OTUD7B: variants seen among roughly 807,000 people sequenced by gnomAD.
The protein encoded by OTUD7B is OTU deubiquitinase 7B.
A neutral mutation model predicts 82.2 loss-of-function variants in OTUD7B; 34 were observed. That is an observed-to-expected ratio of 0.41 (90% CI 0.31 to 0.55). OTUD7B has a LOEUF of 0.55. Among genes scored for constraint, OTUD7B ranks in the 20% least tolerant of loss-of-function variants. The pLI is 0.20. For missense variants in OTUD7B, 944 were observed against 1,062.1 expected (o/e 0.89, Z 1.55); for synonymous variants, 398 against 402.7 (o/e 0.99, Z 0.14).
At chr1:149,994,913 G>T (rs1651828047) in intron 1 of OTUD7B, among the ~76,000 whole-genome samples, 1 of 152,148 alleles carries the variant, frequency 6.6e-6, no homozygotes, top group African/African-American at 2.4e-5. Flanking sequence ...CCCCTTAAAT[G>T]CTAGGTCTAA....
At position 149,945,077 on chromosome 1, in the gene OTUD7B, A is replaced by G. The variant is rs1553771823; in HGVS notation, c.1324-12T>C. Reference sequence around the variant, plus strand: ...TGGGCCAGAGGAGCCTGGAAGAGACAAGAACACTGTTGACAGTTATCCCAG... The same window carrying G: ...TGGGCCAGAGGAGCCTGGAAGAGACGAGAACACTGTTGACAGTTATCCCAG... On this transcript the variant is annotated splice_polypyrimidine_tract_variant and intron_variant, in intron 11 of 11. Coordinates refer to ENST00000581312, the MANE Select transcript of OTUD7B (RefSeq NM_020205.4). 6.2e-7 allele frequency: 1 copy of G among 1,609,890 alleles called. No individual in the cohort carries two copies. The highest frequency in any genetic ancestry group is 1.3e-5 in the African/African-American group (1 of 74,948).
At chr1:149,960,923 C>CTT (rs781962716) in intron 6 of OTUD7B, 8,027 of 91,594 alleles carry the variant, frequency 0.088, 1,490 homozygotes, top group African/African-American at 0.17. Flanking sequence ...TGGATACCTT[C>CTT]TTTTTTTTTT....
At chr1:150,053,430 CTT>C in the OTUD7B span, among the ~76,000 whole-genome samples, 1 of 150,390 alleles carries the variant, frequency 6.6e-6, no homozygotes, top group African/African-American at 2.5e-5. Flanking sequence ...GAGTTTCCCT[CTT>C]GTCACCCAGG....
chr1:150,024,633 T>C, the OTUD7B span, among the ~76,000 whole-genome samples: 4 of 152,218 alleles, frequency 2.6e-5, no homozygotes, highest in Admixed American at 2.6e-4. Context: ...ATAGAACTAA[T>C]AGCAGCTGCC....
chr1:149,944,832 C>T lies in OTUD7B; in HGVS notation c.1557G>A (p.Lys519=), dbSNP rs782405043. 1 of 1,614,184 alleles carries T rather than the reference C, an allele frequency of 6.2e-7. No homozygotes were observed. Residue 519 remains lysine, a synonymous_variant, in exon 12 of 12, where the codon AAG becomes AAA. Coordinates refer to ENST00000581312, the MANE Select transcript of OTUD7B (RefSeq NM_020205.4). ...FGKTLGSKLK[K]NMGGLMHSKG... ...TGCTGTGCATCAGGCCCCCCATGTT[C>T]TTCTTGAGCTTGCTGCCCAAGGTTT...
rs781895893 is a variant in OTUD7B at position 149,939,938 on chromosome 1, AAAAAAGAAAGAAAG to A, written c.*3905_*3918del. ...AGCGAGACTCCGTCTCAAACCAAAAAAAAAAGAAAGAAAGAAAAAGGAAAAAGAAAGAAGACTCA... is the reference window on the plus strand; with the variant it reads ...AGCGAGACTCCGTCTCAAACCAAAAAAAAAAGGAAAAAGAAAGAAGACTCA... On this transcript the variant is annotated 3_prime_UTR_variant, in exon 12 of 12. Coordinates refer to ENST00000581312, the MANE Select transcript of OTUD7B (RefSeq NM_020205.4). The A allele has an allele frequency of 4.6e-5, 7 of 151,924 alleles. No homozygotes were observed. Among genetic ancestry groups the A allele is most frequent in the Non-Finnish European group, 1.0e-4 (7 of 68,038 alleles). The allele number at this position is 151,924 out of a possible 1,614,324, so 9.4% of individuals were successfully genotyped here.
At chr1:149,958,542 T>C (rs1648890000) in intron 7 of OTUD7B, among the ~76,000 whole-genome samples, 1 of 151,994 alleles carries the variant, frequency 6.6e-6, no homozygotes, top group Non-Finnish European at 1.5e-5. Flanking sequence ...TTGGCCAGGC[T>C]GGTCTCGAAT....
chr1:150,021,817 A>C, the OTUD7B span, among the ~76,000 whole-genome samples: 1 of 152,216 alleles, frequency 6.6e-6, no homozygotes, highest in South Asian at 2.1e-4. Flanking sequence ...AGCTTTCCTA[A>C]AGAGAGGCAG....
At chr1:149,959,915 A>C in intron 6 of OTUD7B, 119 bp from the exon 7 acceptor site, 2 of 671,092 alleles carry the variant, frequency 3.0e-6, no homozygotes. Flanking sequence ...TGGTTTACAA[A>C]TTGTACTACA....
chr1:150,017,437 A>C, the OTUD7B span, among the ~76,000 whole-genome samples: 1 of 152,218 alleles, frequency 6.6e-6, no homozygotes, highest in Non-Finnish European at 1.5e-5. Context: ...CAGGCCTAGC[A>C]ACAAGTAGGT....
chr1:150,025,453 A>ACG, the OTUD7B span, among the ~76,000 whole-genome samples: 1 of 151,950 alleles, frequency 6.6e-6, no homozygotes, highest in Admixed American at 6.6e-5. Flanking sequence ...ACACACACAC[A>ACG]CACACACACA....
chr1:149,976,386 C>T (rs1265787153), intron 2 of OTUD7B, among the ~76,000 whole-genome samples: 4 of 151,662 alleles, frequency 2.6e-5, no homozygotes, highest in Non-Finnish European at 4.4e-5. Flanking sequence ...CCGAGGCAGG[C>T]GGATCACCTG....
In OTUD7B at chr1:149,943,651, T is replaced by C. The variant is rs1647429254; in HGVS notation, c.*206A>G. 2.0e-5 allele frequency: 12 copies of C among 597,814 alleles called. No homozygotes were observed. The South Asian group carries it at 2.0e-4, about 10-fold the overall frequency. The allele number at this position is 597,814 out of a possible 1,614,324, so 37.0% of individuals were successfully genotyped here. ...CATCAAGTCAAGCTCTGCAGAGGAATAGTACAGCCCCTGAGGTGCCATCCA... is the reference window on the plus strand; with the variant it reads ...CATCAAGTCAAGCTCTGCAGAGGAACAGTACAGCCCCTGAGGTGCCATCCA... On this transcript the variant is annotated 3_prime_UTR_variant, in exon 12 of 12. Coordinates refer to ENST00000581312, the MANE Select transcript of OTUD7B (RefSeq NM_020205.4).
chr1:150,006,103 T>C (rs1553786011), intron 1 of OTUD7B, among the ~76,000 whole-genome samples: 1 of 152,158 alleles, frequency 6.6e-6, no homozygotes, highest in East Asian at 1.9e-4. Flanking sequence ...AGCTTAGAAA[T>C]GCAAATTTAT....
intron 1 of OTUD7B, 88 bp from the exon 2 acceptor site, chr1:149,977,664 G>C (rs1553778905): frequency 4.3e-5 from 26 of 600,604 alleles, no homozygotes; most frequent in Non-Finnish European, 1.2e-5. Context: ...ACCAAATGGG[G>C]AAACTATCCT....
At chr1:149,977,905 C>T (rs1308369431) in intron 1 of OTUD7B, among the ~76,000 whole-genome samples, 1 of 152,164 alleles carries the variant, frequency 6.6e-6, no homozygotes, top group Non-Finnish European at 1.5e-5. Flanking sequence ...AAAGAACTCC[C>T]CACCTGCAAT....
chr1:149,947,390 G>T, intron 10 of OTUD7B, 55 bp from the exon 11 acceptor site: 1 of 1,087,712 alleles, frequency 9.2e-7, no homozygotes, highest in Non-Finnish European at 1.4e-6. Context: ...AAAGCAATTT[G>T]ATATAGTTGG....
chr1:149,969,697 A>G (rs981109203), intron 3 of OTUD7B, among the ~76,000 whole-genome samples: 2 of 152,102 alleles, frequency 1.3e-5, no homozygotes, highest in Non-Finnish European at 2.9e-5. Flanking sequence ...TACCTTTTTG[A>G]AAAAAATTAT....
In OTUD7B at chr1:149,944,987, C is replaced by G; in HGVS notation, c.1402G>C (p.Asp468His). 6.2e-7 allele frequency: 1 copy of G among 1,614,216 alleles called. No homozygotes were observed. The highest frequency in any genetic ancestry group is 1.1e-5 in the South Asian group (1 of 91,088). ...PRSTPESGDS[D>H]KESVGSSSTS... is the part of the protein sequence containing the mutation. Reference sequence around the variant, plus strand: ...GAACTGCTGCCAACTGACTCCTTGTCTGAGTCTCCAGACTCAGGAGTGGAC... The same window carrying G: ...GAACTGCTGCCAACTGACTCCTTGTGTGAGTCTCCAGACTCAGGAGTGGAC... The change falls in exon 12 of 12, where the codon GAC becomes CAC. Residue 468 changes from aspartate (D) to histidine (H), a missense_variant. Around this residue, in one of 3 missense-constraint regions of OTUD7B, gnomAD observed 530 missense variants for 625.6 expected, o/e 0.85. Coordinates refer to ENST00000581312, the MANE Select transcript of OTUD7B (RefSeq NM_020205.4).
Sources: allele counts gnomAD v4.1 joint callset (sites outside exome capture counted in the v4.1 genomes callset), GRCh38; gene constraint gnomAD v4.1.1; regional missense constraint gnomAD v4.1.1; transcripts MANE v1.5; gene names NCBI Gene and HGNC (gene_info 2026-07-23, HGNC 2026-07-21).